Variants in PLA2G4A observed in about 807,000 individuals in gnomAD.
PLA2G4A encodes phospholipase A2 group IVA.
A neutral mutation model predicts 81.9 loss-of-function variants in PLA2G4A; 40 were observed. The observed-to-expected ratio is 0.49, with a 90% CI of 0.38 to 0.64. PLA2G4A has a LOEUF of 0.64. Ranked by LOEUF, PLA2G4A falls within the 30% of genes least tolerant of loss-of-function variation. PLA2G4A has a pLI of 0.00. For synonymous variants in PLA2G4A, 302 were observed against 296.9 expected (o/e 1.02, Z -0.18); for missense variants, 715 against 905.1 (o/e 0.79, Z 2.69).
intron 1 of PLA2G4A, among the ~76,000 whole-genome samples, chr1:186,850,520 A>AGCT (rs60097467): frequency 0.83 from 126,433 of 151,614 alleles, 52,853 homozygotes; most frequent in African/African-American, 0.89. Flanking sequence ...ACAAGGTAAG[A>AGCT]AGTCTTATAT....
chr1:186,909,242 G>A (rs1654853458), intron 6 of PLA2G4A, among the ~76,000 whole-genome samples: 1 of 150,654 alleles, frequency 6.6e-6, no homozygotes, highest in Admixed American at 6.6e-5. Flanking sequence ...CCAAAGTGCT[G>A]GGATTACAGG....
At chr1:186,833,431 A>C (rs7535459) in intron 1 of PLA2G4A, among the ~76,000 whole-genome samples, 74,974 of 151,808 alleles carry the variant, frequency 0.49, 20,335 homozygotes, top group African/African-American at 0.73. Context: ...AAATAATATT[A>C]TTGGTTGTGA....
chr1:186,896,987 T>C (rs1290985931), intron 5 of PLA2G4A, among the ~76,000 whole-genome samples: 2 of 152,078 alleles, frequency 1.3e-5, no homozygotes, highest in African/African-American at 2.4e-5. Context: ...TGATGATCTT[T>C]CTACAGTGTT....
At chr1:186,980,577 A>T (rs1422898040) in intron 17 of PLA2G4A, among the ~76,000 whole-genome samples, 1 of 152,220 alleles carries the variant, frequency 6.6e-6, no homozygotes, top group Admixed American at 6.5e-5. Flanking sequence ...CTTTTTGGTG[A>T]CTGTGTAAAT....
At chr1:186,978,253 A>G (rs1280227393) in intron 16 of PLA2G4A, among the ~76,000 whole-genome samples, 2 of 152,142 alleles carry the variant, frequency 1.3e-5, no homozygotes, top group African/African-American at 4.8e-5. Context: ...AGTTTGAGGC[A>G]TAGTCTTTTT....
chr1:186,844,617 G>A (rs1403798115), intron 1 of PLA2G4A, among the ~76,000 whole-genome samples: 1 of 152,054 alleles, frequency 6.6e-6, no homozygotes, highest in Non-Finnish European at 1.5e-5. Flanking sequence ...TGGGTCAAAT[G>A]GTATTTCTAG....
intron 15 of PLA2G4A, among the ~76,000 whole-genome samples, chr1:186,974,067 C>T (rs749926466): frequency 1.3e-5 from 2 of 150,876 alleles, no homozygotes; most frequent in Non-Finnish European, 3.0e-5. Context: ...TATGTGTGTT[C>T]GTATTTTAAT....
At chr1:186,929,978 G>A (rs1655682997) in intron 7 of PLA2G4A, among the ~76,000 whole-genome samples, 1 of 152,060 alleles carries the variant, frequency 6.6e-6, no homozygotes, top group South Asian at 2.1e-4. Flanking sequence ...GATCCCTTGA[G>A]CCCAGGAGTT....
chr1:186,948,615 T>C (rs1656425680), intron 12 of PLA2G4A, among the ~76,000 whole-genome samples: 1 of 152,140 alleles, frequency 6.6e-6, no homozygotes, highest in Non-Finnish European at 1.5e-5. Flanking sequence ...GTTTGCTGTT[T>C]TTTCTTCTTA....
chr1:186,975,197 A>G (rs1053052346), intron 15 of PLA2G4A, among the ~76,000 whole-genome samples: 2 of 152,368 alleles, frequency 1.3e-5, no homozygotes, highest in South Asian at 2.1e-4. Context: ...AGCTGAATAG[A>G]GGGAAAAAAA....
chr1:186,976,480 T>C (rs1033969529), intron 15 of PLA2G4A, among the ~76,000 whole-genome samples: 16 of 152,212 alleles, frequency 1.1e-4, no homozygotes, highest in African/African-American at 3.9e-4. Flanking sequence ...TTAAGCACTG[T>C]AAAGTATTAA....
intron 1 of PLA2G4A, among the ~76,000 whole-genome samples, chr1:186,844,702 G>T (rs1434676323): frequency 1.3e-5 from 2 of 152,044 alleles, no homozygotes; most frequent in Non-Finnish European, 2.9e-5. Context: ...CGAGTTAATG[G>T]GTGCAGCACA....
intron 7 of PLA2G4A, among the ~76,000 whole-genome samples, chr1:186,931,809 G>A (rs965039961): frequency 2.6e-5 from 4 of 152,164 alleles, no homozygotes; most frequent in African/African-American, 9.7e-5. Flanking sequence ...GTAAGACTGA[G>A]TGCACTGTTT....
At chr1:186,836,547 T>C (rs1012128957) in intron 1 of PLA2G4A, among the ~76,000 whole-genome samples, 6 of 152,184 alleles carry the variant, frequency 3.9e-5, no homozygotes, top group African/African-American at 1.4e-4. Context: ...AATTTTTTAA[T>C]ACTTAGAAAA....
intron 13 of PLA2G4A, among the ~76,000 whole-genome samples, chr1:186,952,413 G>C (rs966247818): frequency 1.1e-4 from 16 of 152,030 alleles, no homozygotes; most frequent in African/African-American, 3.9e-4. Context: ...AGAGTTTTTA[G>C]AGCAGTTTTA....
intron 3 of PLA2G4A, among the ~76,000 whole-genome samples, chr1:186,873,511 T>C (rs1653360354): frequency 6.6e-6 from 1 of 152,090 alleles, no homozygotes; most frequent in African/African-American, 2.4e-5. Flanking sequence ...TAGATTACTA[T>C]TGGAGTTTTC....
At chr1:186,885,234 C>T (rs1653894935) in intron 3 of PLA2G4A, among the ~76,000 whole-genome samples, 1 of 152,026 alleles carries the variant, frequency 6.6e-6, no homozygotes, top group African/African-American at 2.4e-5. Context: ...AAAATAAAAA[C>T]CTGAAAAACA....
At chr1:186,899,511 G>A (rs925475460) in intron 5 of PLA2G4A, among the ~76,000 whole-genome samples, 1 of 152,206 alleles carries the variant, frequency 6.6e-6, no homozygotes, top group African/African-American at 2.4e-5. Flanking sequence ...CACTGGACTA[G>A]AAAGGACAGA....
chr1:186,861,309 G>A (rs12720498), intron 2 of PLA2G4A, among the ~76,000 whole-genome samples: 3 of 152,118 alleles, frequency 2.0e-5, no homozygotes, highest in Admixed American at 1.3e-4. Flanking sequence ...TTAGAACGCC[G>A]AGGAATCTCT....
Sources: gnomAD v4.1 joint callset for allele counts (sites outside exome capture counted in the v4.1 genomes callset) on GRCh38, gnomAD v4.1.1 for gene constraint, MANE v1.5 for transcripts, NCBI Gene and HGNC (gene_info 2026-07-23, HGNC 2026-07-21) for gene names.